Variants in ERBB4 observed in about 807,000 individuals in gnomAD.
ERBB4 encodes the protein receptor tyrosine-protein kinase erbB-4.
In ERBB4, 42 loss-of-function variants were observed where a neutral mutation model predicts 158.0. That is an observed-to-expected ratio of 0.27 (90% CI 0.21 to 0.34). ERBB4 has a LOEUF of 0.34. Among genes scored for constraint, ERBB4 ranks in the 10% least tolerant of loss-of-function variants. ERBB4 has a pLI of 1.00. For synonymous variants in ERBB4, 583 were observed against 558.7 expected, an observed-to-expected ratio of 1.04 and a Z score of -0.61; for missense variants, 1,333 against 1,624.1, an observed-to-expected ratio of 0.82 and a Z score of 3.08.
At chr2:212,127,340 C>A (rs1436232718) in intron 1 of ERBB4, among the ~76,000 whole-genome samples, 2 of 152,176 alleles carry the variant, frequency 1.3e-5, no homozygotes, top group Non-Finnish European at 2.9e-5. Flanking sequence ...TGCCTGTAAT[C>A]CCAGCACTTT....
intron 2 of ERBB4, among the ~76,000 whole-genome samples, chr2:212,069,182 C>T (rs2078034806): frequency 6.6e-6 from 1 of 152,000 alleles, no homozygotes; most frequent in Admixed American, 6.6e-5. Flanking sequence ...AAAATTCTAA[C>T]AAAATATTAG....
At chr2:211,572,867 T>C (rs904535597) in intron 19 of ERBB4, among the ~76,000 whole-genome samples, 1 of 152,188 alleles carries the variant, frequency 6.6e-6, no homozygotes, top group Admixed American at 6.5e-5. Flanking sequence ...TGGTCATTGA[T>C]GGCAAATACG....
rs971455104 is a variant in ERBB4, at chr2:211,700,703, T to TCA, written c.1489+1262_1489+1263dup. 4.6e-5 allele frequency among the ~76,000 whole-genome samples: 7 copies of TCA among 151,906 alleles called. No homozygotes were observed. In the East Asian group the frequency reaches 9.7e-4, roughly 21 times the overall value. On this transcript the variant is annotated intron_variant, in intron 12 of 27. Coordinates refer to ENST00000342788, the MANE Select transcript of ERBB4 (RefSeq NM_005235.3). ...AACTTTAAAAAAGTCTTCTATTTAT[T>TCA]CACACACACACACGCACACACTCAC...
intron 1 of ERBB4, among the ~76,000 whole-genome samples, chr2:212,197,806 T>A (rs2082474438): frequency 6.6e-6 from 1 of 152,218 alleles, no homozygotes; most frequent in Admixed American, 6.5e-5. Flanking sequence ...GGGAGCATAC[T>A]CTGAAATTCC....
chr2:212,377,288 T>A (rs970795126), intron 1 of ERBB4, among the ~76,000 whole-genome samples: 1 of 149,772 alleles, frequency 6.7e-6, no homozygotes, highest in Non-Finnish European at 1.5e-5. Context: ...CATATGTATA[T>A]ACACACACAC....
chr2:212,118,758 G>A (rs1211924149), intron 2 of ERBB4, among the ~76,000 whole-genome samples: 1 of 151,652 alleles, frequency 6.6e-6, no homozygotes, highest in Non-Finnish European at 1.5e-5. Flanking sequence ...ATTATTTCTT[G>A]TACATTCAAA....
chr2:212,123,086 GAAC>G (rs1011244674), intron 2 of ERBB4, among the ~76,000 whole-genome samples: 4 of 152,098 alleles, frequency 2.6e-5, no homozygotes, highest in African/African-American at 9.7e-5. Flanking sequence ...TCCCTTCTTT[GAAC>G]AACAGCTCCC....
At chr2:211,935,917 A>G (rs1005860264) in intron 3 of ERBB4, among the ~76,000 whole-genome samples, 16 of 152,182 alleles carry the variant, frequency 1.1e-4, no homozygotes, top group Non-Finnish European at 7.3e-5. Flanking sequence ...TATTATTAAC[A>G]ATAGTATCTC....
intron 20 of ERBB4, among the ~76,000 whole-genome samples, chr2:211,431,545 A>G (rs2063748580): frequency 6.6e-6 from 1 of 152,154 alleles, no homozygotes; most frequent in Non-Finnish European, 1.5e-5. Flanking sequence ...TTTTAGAAAT[A>G]TTTCATTTGA....
chr2:211,747,036 T>C (rs1321419368), intron 5 of ERBB4, among the ~76,000 whole-genome samples: 1 of 152,100 alleles, frequency 6.6e-6, no homozygotes. Context: ...TTCTTTCTGC[T>C]TCTCAATAAC....
At chr2:212,530,291 C>T (rs999076364) in intron 1 of ERBB4, among the ~76,000 whole-genome samples, 5 of 152,100 alleles carry the variant, frequency 3.3e-5, no homozygotes, top group Non-Finnish European at 7.4e-5. Flanking sequence ...TATTTAACTG[C>T]TCTGTTCTAG....
chr2:212,232,365 T>C lies in ERBB4; in HGVS notation c.83-107462A>G, dbSNP rs114897748. ...AAGGAAAACAATAAATCTACTTAAG[T>C]AGATATAAGAGTTTTCAGGGGAGTA... On this transcript the variant is annotated intron_variant, in intron 1 of 27. Transcript: ENST00000342788. 9.3e-3 allele frequency among the ~76,000 whole-genome samples: 1,416 copies of C among 152,206 alleles called. 15 individuals carry two copies. The highest frequency in any genetic ancestry group is 0.031 in the African/African-American group (1,298 of 41,522).
At chr2:212,529,543 C>G (rs1692634487) in intron 1 of ERBB4, among the ~76,000 whole-genome samples, 1 of 152,148 alleles carries the variant, frequency 6.6e-6, no homozygotes, top group Non-Finnish European at 1.5e-5. Context: ...GTTATTCAAA[C>G]AGCTTACTTT....
At chr2:212,064,991 GT>G (rs2077895997) in intron 2 of ERBB4, among the ~76,000 whole-genome samples, 3 of 14,008 alleles carry the variant, frequency 2.1e-4, no homozygotes, top group East Asian at 0.042. Context: ...TCTTTATGGT[GT>G]GTGTGTGTGT....
intron 1 of ERBB4, among the ~76,000 whole-genome samples, chr2:212,465,712 A>C (rs1688798372): frequency 6.6e-6 from 1 of 152,000 alleles, no homozygotes; most frequent in Admixed American, 6.6e-5. Context: ...CTCCCTAACC[A>C]ATATATTTTT....
At chr2:212,164,738 T>C (rs2081298146) in intron 1 of ERBB4, among the ~76,000 whole-genome samples, 1 of 151,986 alleles carries the variant, frequency 6.6e-6, no homozygotes, top group Non-Finnish European at 1.5e-5. Context: ...TATTGAAAAA[T>C]GGTTTTCTGC....
At chr2:211,658,500 A>T (rs912508842) in intron 15 of ERBB4, among the ~76,000 whole-genome samples, 4 of 152,132 alleles carry the variant, frequency 2.6e-5, no homozygotes, top group African/African-American at 9.7e-5. Context: ...TGCTATTCTC[A>T]TGGATACTTT....
At chr2:211,932,017 T>C (rs1379268731) in intron 3 of ERBB4, among the ~76,000 whole-genome samples, 1 of 152,086 alleles carries the variant, frequency 6.6e-6, no homozygotes, top group Non-Finnish European at 1.5e-5. Context: ...CCTTTCTTTG[T>C]TGCAGTGCGA....
At chr2:212,427,087 C>T (rs2091930210) in intron 1 of ERBB4, among the ~76,000 whole-genome samples, 1 of 152,084 alleles carries the variant, frequency 6.6e-6, no homozygotes, top group African/African-American at 2.4e-5. Flanking sequence ...ATTCCATTTT[C>T]TAATGCAGTA....
Sources: gnomAD v4.1 joint callset for allele counts (sites outside exome capture counted in the v4.1 genomes callset) on GRCh38, gnomAD v4.1.1 for gene constraint, MANE v1.5 for transcripts, NCBI Gene and HGNC (gene_info 2026-07-23, HGNC 2026-07-21) for gene names.